Variants in ASXL3 observed in about 807,000 individuals in gnomAD.
ASXL3 encodes the protein putative Polycomb group protein ASXL3.
ASXL3 carries 34 observed loss-of-function variants against 170.6 expected under a neutral mutation model. The observed-to-expected ratio is 0.20, with a 90% confidence interval of 0.15 to 0.27. The LOEUF is 0.27. ASXL3 is among the 10% of genes least tolerant of loss of function. The pLI is 1.00. For missense variants in ASXL3, 2,592 were observed against 2,695.3 expected (o/e 0.96, Z 0.85); for synonymous variants, 1,002 against 989.1 (o/e 1.01, Z -0.24).
At chr18:33,729,079 T>C (rs1038315545) in intron 8 of ASXL3, among the ~76,000 whole-genome samples, 3 of 152,122 alleles carry the variant, frequency 2.0e-5, no homozygotes, top group Non-Finnish European at 2.9e-5. Context: ...TTAGGTTTGG[T>C]GTCTGTCTTA....
At chr18:33,635,860 G>A (rs1009512362) in intron 2 of ASXL3, among the ~76,000 whole-genome samples, 6 of 152,120 alleles carry the variant, frequency 3.9e-5, no homozygotes, top group East Asian at 1.9e-4. Context: ...ATCCATGATC[G>A]TAACAGCTTT....
chr18:33,673,893 A>T (rs1248652206), intron 7 of ASXL3, among the ~76,000 whole-genome samples: 1 of 152,202 alleles, frequency 6.6e-6, no homozygotes, highest in African/African-American at 2.4e-5. Context: ...GAGCGCCCCC[A>T]ATCTTTCAAA....
intron 2 of ASXL3, among the ~76,000 whole-genome samples, chr18:33,617,212 C>G (rs2065438027): frequency 6.6e-6 from 1 of 152,124 alleles, no homozygotes; most frequent in Non-Finnish European, 1.5e-5. Flanking sequence ...CAAATATTGA[C>G]TGGGTGCAGT....
At chr18:33,595,991 G>A (rs2065122726) in intron 1 of ASXL3, among the ~76,000 whole-genome samples, 1 of 151,994 alleles carries the variant, frequency 6.6e-6, no homozygotes, top group African/African-American at 2.4e-5. Flanking sequence ...ATAATAAACT[G>A]AGTACATCAA....
At chr18:33,679,372 TCTCAA>T (rs2066479529) in intron 7 of ASXL3, among the ~76,000 whole-genome samples, 1 of 151,976 alleles carries the variant, frequency 6.6e-6, no homozygotes, top group South Asian at 2.1e-4. Flanking sequence ...ATACCCAACA[TCTCAA>T]CTCAACAAAT....
At chr18:33,637,422 A>G (rs533286634) in intron 2 of ASXL3, among the ~76,000 whole-genome samples, 1 of 152,268 alleles carries the variant, frequency 6.6e-6, no homozygotes, top group South Asian at 2.1e-4. Context: ...TACATTTCTC[A>G]AACACATTTG....
intron 2 of ASXL3, chr18:33,626,478 C>T (rs1306461602): frequency 1.3e-5 from 2 of 150,660 alleles, no homozygotes; most frequent in Non-Finnish European, 2.9e-5. Context: ...AATAGACCTT[C>T]AGGGGTTAAT....
At chr18:33,604,457 A>G (rs1444976584) in intron 1 of ASXL3, among the ~76,000 whole-genome samples, 1 of 152,048 alleles carries the variant, frequency 6.6e-6, no homozygotes, top group East Asian at 1.9e-4. Context: ...TGGAAAAATA[A>G]AGTGAATAAT....
intron 7 of ASXL3, among the ~76,000 whole-genome samples, chr18:33,680,350 C>T (rs2066496047): frequency 6.6e-6 from 1 of 152,006 alleles, no homozygotes; most frequent in South Asian, 2.1e-4. Context: ...TCTTCAGTAT[C>T]TGTTGAGACT....
chr18:33,688,393 T>A (rs1226675570), intron 8 of ASXL3, among the ~76,000 whole-genome samples: 2 of 152,350 alleles, frequency 1.3e-5, no homozygotes, highest in South Asian at 2.1e-4. Flanking sequence ...TTTTAACATA[T>A]TGGATTGAAA....
At chr18:33,649,404 A>G (rs891008240) in intron 4 of ASXL3, among the ~76,000 whole-genome samples, 4 of 152,154 alleles carry the variant, frequency 2.6e-5, no homozygotes, top group African/African-American at 9.6e-5. Context: ...TCAGCAAAAT[A>G]GAAAAGTAGT....
Position 33,661,726 on chromosome 18 carries a change from G to C in ASXL3, c.466G>C (p.Ala156Pro). The change falls in exon 5 of 12, where the codon GCT (alanine) becomes CCT (proline). Residue 156 changes from alanine to proline, a missense_variant. By Grantham distance (27) the Ala-to-Pro change is conservative (BLOSUM62 -1). Around this residue, in one of 4 missense-constraint regions of ASXL3, gnomAD observed 251 missense variants for 281.9 expected, o/e 0.89. Coordinates refer to ENST00000269197, the MANE Select transcript of ASXL3 (RefSeq NM_030632.3). ...VSSFQQHTKK[A>P]LKQALRQQQK... ...TTCCTTCCAGCAGCACACCAAAAAG[G>C]CTCTTAAACAGGTAAGATAGCTGCC... 4.3e-6 allele frequency: 7 copies of C among 1,612,514 alleles called. No individual in the cohort carries two copies. The highest frequency in any genetic ancestry group is 5.9e-6 in the Non-Finnish European group (7 of 1,179,236).
intron 1 of ASXL3, among the ~76,000 whole-genome samples, chr18:33,600,803 A>G (rs549327958): frequency 2.0e-5 from 3 of 152,282 alleles, no homozygotes; most frequent in African/African-American, 4.8e-5. Flanking sequence ...AGCTGTGCTC[A>G]GGTTTTATGA....
At chr18:33,665,134 C>T (rs535925947) in intron 5 of ASXL3, among the ~76,000 whole-genome samples, 3 of 151,792 alleles carry the variant, frequency 2.0e-5, no homozygotes, top group Non-Finnish European at 1.5e-5. Flanking sequence ...AATTTTAAAC[C>T]GGCACAAGAT....
At chr18:33,717,841 G>A (rs868729816) in intron 8 of ASXL3, among the ~76,000 whole-genome samples, 6 of 152,028 alleles carry the variant, frequency 3.9e-5, no homozygotes, top group African/African-American at 1.2e-4. Context: ...TTTACCTCCC[G>A]TTTTCTGGTT....
At chr18:33,720,694 T>C (rs1420688289) in intron 8 of ASXL3, among the ~76,000 whole-genome samples, 2 of 152,050 alleles carry the variant, frequency 1.3e-5, no homozygotes, top group Non-Finnish European at 2.9e-5. Context: ...ACCAAACCCT[T>C]CTCTAATTGT....
intron 1 of ASXL3, among the ~76,000 whole-genome samples, chr18:33,587,261 A>G (rs930142089): frequency 2.6e-5 from 4 of 152,184 alleles, no homozygotes; most frequent in Admixed American, 1.3e-4. Context: ...TTTGTTATAC[A>G]CCACACAACC....
chr18:33,683,929 A>T (rs918600758), intron 8 of ASXL3, among the ~76,000 whole-genome samples: 1 of 152,188 alleles, frequency 6.6e-6, no homozygotes, highest in Non-Finnish European at 1.5e-5. Context: ...GTTTCTAAAA[A>T]ATTATGTAAA....
chr18:33,729,461 G>A (rs1362855184), intron 8 of ASXL3, among the ~76,000 whole-genome samples: 1 of 152,100 alleles, frequency 6.6e-6, no homozygotes, highest in Non-Finnish European at 1.5e-5. Flanking sequence ...TGTTTACCCT[G>A]TTTGCTCTGT....
Sources: allele counts gnomAD v4.1 joint callset (sites outside exome capture counted in the v4.1 genomes callset), GRCh38; gene constraint gnomAD v4.1.1; regional missense constraint gnomAD v4.1.1; transcripts MANE v1.5; gene names NCBI Gene and HGNC (gene_info 2026-07-23, HGNC 2026-07-21).